ATL1: variants seen among roughly 807,000 people sequenced by gnomAD.
The protein encoded by ATL1 is atlastin GTPase 1.
ATL1 carries 31 observed loss-of-function variants against 75.5 expected under a neutral mutation model. That is an observed-to-expected ratio of 0.41 (90% CI 0.31 to 0.55). The LOEUF (loss-of-function observed/expected upper bound fraction) is 0.55. Ranked by LOEUF, ATL1 falls within the 20% of genes least tolerant of loss-of-function variation. The pLI is 0.27. For synonymous variants in ATL1, 226 were observed against 233.3 expected (o/e 0.97, Z 0.28); for missense variants, 405 against 662.6 (o/e 0.61, Z 4.27).
intron 1 of ATL1, among the ~76,000 whole-genome samples, chr14:50,554,109 GT>G (rs369844075): frequency 0.092 from 13,476 of 146,422 alleles, 786 homozygotes; most frequent in African/African-American, 0.18. Flanking sequence ...TTTTTAAAAA[GT>G]TTTTTTTTTT....
intron 1 of ATL1, among the ~76,000 whole-genome samples, chr14:50,543,626 A>G (rs2038593155): frequency 6.6e-6 from 1 of 152,206 alleles, no homozygotes; most frequent in Admixed American, 6.5e-5. Context: ...AGTATGCAGA[A>G]GGATCAATCG....
At chr14:50,579,940 T>C (rs935174101) in intron 1 of ATL1, among the ~76,000 whole-genome samples, 17 of 152,226 alleles carry the variant, frequency 1.1e-4, no homozygotes, top group Non-Finnish European at 2.5e-4. Flanking sequence ...GATTACTAGA[T>C]GATCAGGTTT....
chr14:50,565,504 T>C (rs1322820131), intron 1 of ATL1, among the ~76,000 whole-genome samples: 1 of 151,060 alleles, frequency 6.6e-6, no homozygotes, highest in East Asian at 1.9e-4. Context: ...AAAATTCTAC[T>C]GGGTCATACA....
chr14:50,550,438 G>A (rs964914041), intron 1 of ATL1, among the ~76,000 whole-genome samples: 8 of 152,154 alleles, frequency 5.3e-5, no homozygotes, highest in South Asian at 2.1e-4. Flanking sequence ...CTACAGCAGC[G>A]GTCAGCCACC....
At chr14:50,566,366 A>G (rs2038904134) in intron 1 of ATL1, among the ~76,000 whole-genome samples, 1 of 152,128 alleles carries the variant, frequency 6.6e-6, no homozygotes, top group South Asian at 2.1e-4. Flanking sequence ...AATTCTCTTG[A>G]TAATTTTTAC....
rs538233371 is a variant in ATL1, at chr14:50,545,261, T to C, written c.-140+11894T>C. ...GGAGCGCCCTGTATGTAAGTCCTAA[T>C]AAACTCATCTACTTGCCAATCTGAA... On this transcript the variant is annotated intron_variant, in intron 1 of 13. Transcript: ENST00000441560. Among the ~76,000 whole-genome samples, 319 of 152,214 alleles carry C rather than the reference T, an allele frequency of 2.1e-3. 1 individual carries two copies. Among genetic ancestry groups the C allele is most frequent in the Non-Finnish European group, 3.2e-3 (216 of 68,044 alleles).
intron 1 of ATL1, among the ~76,000 whole-genome samples, chr14:50,539,978 A>G (rs2038540504): frequency 6.6e-6 from 1 of 152,120 alleles, no homozygotes; most frequent in Non-Finnish European, 1.5e-5. Flanking sequence ...TACCATGCCC[A>G]GGAGGGCCCA....
intron 1 of ATL1, among the ~76,000 whole-genome samples, chr14:50,580,325 A>T (rs1216380774): frequency 6.6e-6 from 1 of 152,174 alleles, no homozygotes. Flanking sequence ...TAAATGTAAC[A>T]TTAGCTATAT....
At chr14:50,562,710 A>G (rs753828768) in intron 1 of ATL1, among the ~76,000 whole-genome samples, 37 of 152,240 alleles carry the variant, frequency 2.4e-4, no homozygotes, top group Admixed American at 2.6e-4. Flanking sequence ...ATTATAGAAA[A>G]GAAAGAGTGG....
intron 9 of ATL1, among the ~76,000 whole-genome samples, chr14:50,621,270 G>C (rs1405146987): frequency 6.6e-6 from 1 of 152,138 alleles, no homozygotes; most frequent in Non-Finnish European, 1.5e-5. Context: ...GAGAATTTCA[G>C]TTACCAACCC....
chr14:50,565,443 C>T (rs976961535), intron 1 of ATL1, among the ~76,000 whole-genome samples: 2 of 150,598 alleles, frequency 1.3e-5, no homozygotes, highest in African/African-American at 4.9e-5. Flanking sequence ...TGAGATCGCA[C>T]CACTGTACTC....
At chr14:50,605,861 T>C (rs776824193) in intron 6 of ATL1, among the ~76,000 whole-genome samples, 3 of 152,028 alleles carry the variant, frequency 2.0e-5, no homozygotes, top group Non-Finnish European at 4.4e-5. Flanking sequence ...TTTTTTATCT[T>C]TCTGGGTTAA....
At chr14:50,577,330 T>C (rs1189828735) in intron 1 of ATL1, among the ~76,000 whole-genome samples, 1 of 152,232 alleles carries the variant, frequency 6.6e-6, no homozygotes, top group African/African-American at 2.4e-5. Context: ...CCCAAAGTGC[T>C]GGGGTTACAG....
At chr14:50,613,215 G>A in intron 6 of ATL1, 44 bp from the exon 7 acceptor site, 1 of 1,395,744 alleles carries the variant, frequency 7.2e-7, no homozygotes, top group Non-Finnish European at 1.0e-6. Context: ...GCAAAGGGAG[G>A]CACCTTAAAG....
intron 5 of ATL1, among the ~76,000 whole-genome samples, chr14:50,595,064 T>C (rs1396279312): frequency 6.6e-6 from 1 of 151,166 alleles, no homozygotes; most frequent in Non-Finnish European, 1.5e-5. Flanking sequence ...GGAAAAGGAC[T>C]CTCCATTTCT....
chr14:50,565,290 A>AAAAT (rs904204539), intron 1 of ATL1, among the ~76,000 whole-genome samples: 4 of 151,964 alleles, frequency 2.6e-5, no homozygotes, highest in Admixed American at 6.6e-5. Context: ...ACTCCATCTC[A>AAAAT]AAATAAATAA....
chr14:50,591,682 A>T, intron 4 of ATL1, 43 bp downstream of exon 4: 1 of 1,347,694 alleles, frequency 7.4e-7, no homozygotes, highest in Non-Finnish European at 1.1e-6. Flanking sequence ...TTAACTAAAA[A>T]TTATGAGTAT....
At position 50,623,442 on chromosome 14, in the gene ATL1, G is replaced by A. The variant is rs143914879; in HGVS notation, c.1119+194G>A. On this transcript the variant is annotated intron_variant, in intron 11 of 13. Coordinates refer to ENST00000358385, the MANE Select transcript of ATL1 (RefSeq NM_015915.5). ...AAACATTGTGTGCACAATTTTGAAG[G>A]CATTTTAAATGAATTGCCTCTCTCT... Among the ~76,000 whole-genome samples, 52 of 151,726 alleles carry A rather than the reference G, an allele frequency of 3.4e-4. No individual in the cohort carries two copies. In the East Asian group the frequency reaches 9.5e-3, roughly 28 times the overall value.
intron 4 of ATL1, among the ~76,000 whole-genome samples, chr14:50,592,997 G>T (rs984319940): frequency 6.8e-6 from 1 of 147,314 alleles, no homozygotes; most frequent in Non-Finnish European, 1.5e-5. Context: ...ACATATATCT[G>T]TATATATATA....
Sources: gnomAD v4.1 joint callset for allele counts (sites outside exome capture counted in the v4.1 genomes callset) on GRCh38, gnomAD v4.1.1 for gene constraint, MANE v1.5 for transcripts, NCBI Gene and HGNC (gene_info 2026-07-23, HGNC 2026-07-21) for gene names.